MTA1: variants seen among roughly 807,000 people sequenced by gnomAD.
MTA1 encodes the protein metastasis associated 1.
MTA1 carries 15 observed loss-of-function variants against 97.0 expected under a neutral mutation model. The observed-to-expected ratio is 0.15, with a 90% CI of 0.10 to 0.24. MTA1 has a LOEUF of 0.24. MTA1 is among the 10% of genes least tolerant of loss of function. The pLI is 1.00. For synonymous variants in MTA1, 435 were observed against 417.5 expected (o/e 1.04, Z -0.51); for missense variants, 709 against 1,015.1 (o/e 0.70, Z 4.10).
At position 105,463,825 on chromosome 14, in the gene MTA1, G is replaced by A; in HGVS notation, c.1077-207G>A. 1 of 644,332 alleles carries A rather than the reference G, an allele frequency of 1.6e-6. No homozygotes were observed. The highest frequency in any genetic ancestry group is 1.8e-5 in the African/African-American group (1 of 54,440). The allele number at this position is 644,332 out of a possible 1,614,324, so 39.9% of individuals were successfully genotyped here. On this transcript the variant is annotated intron_variant, in intron 12 of 20. Transcript: ENST00000331320. This position sits in a 1 kb window ranked among gnomAD's most constrained non-coding sequence, Gnocchi z 5.9. Reference sequence around the variant, plus strand: ...TCCCTGAGCTGGGCTCCATGCTAGGGGGAGCACGGGGGCCTGGAGAACGGC... The same window carrying A: ...TCCCTGAGCTGGGCTCCATGCTAGGAGGAGCACGGGGGCCTGGAGAACGGC...
intron 1 of MTA1, among the ~76,000 whole-genome samples, chr14:105,423,097 A>G (rs1356539400): frequency 2.0e-5 from 3 of 152,048 alleles, no homozygotes; most frequent in Non-Finnish European, 4.4e-5. Context: ...AGCCGCCTGC[A>G]GCTTGCTCAT....
At chr14:105,433,320 G>A (rs1406873849) in intron 1 of MTA1, among the ~76,000 whole-genome samples, 1 of 152,194 alleles carries the variant, frequency 6.6e-6, no homozygotes, top group African/African-American at 2.4e-5. Context: ...GGTGGGCCTG[G>A]CTGAGCACCG....
intron 1 of MTA1, among the ~76,000 whole-genome samples, chr14:105,423,683 C>T (rs758328950): frequency 3.3e-5 from 5 of 152,274 alleles, no homozygotes; most frequent in Non-Finnish European, 5.9e-5. Context: ...GCACCCTGTC[C>T]GTGCTGCTGG....
chr14:105,443,009 G>A (rs782153034), intron 2 of MTA1, among the ~76,000 whole-genome samples: 15 of 152,324 alleles, frequency 9.8e-5, no homozygotes, highest in African/African-American at 2.4e-4. Context: ...GGGTGGCTGC[G>A]GTCATGTGTT....
chr14:105,424,772 A>AG lies in MTA1; in HGVS notation c.28+4711dup, dbSNP rs373037717. 3.1e-3 allele frequency among the ~76,000 whole-genome samples: 470 copies of AG among 152,366 alleles called. 2 individuals are homozygous for AG. Among genetic ancestry groups the AG allele is most frequent in the African/African-American group, 0.011 (443 of 41,586 alleles). On this transcript the variant is annotated intron_variant, in intron 1 of 20. Transcript: ENST00000331320. The surrounding 1 kb of genome is among the most constrained non-coding windows in gnomAD (Gnocchi z 4.0). ...CGGCCTCCCAAAGTGCTGGGATTAC[A>AG]GGCGTGAGCCACGGTGCCTGGCCCC...
chr14:105,464,680 C>G lies in MTA1; in HGVS notation c.1351C>G (p.His451Asp). 6.2e-7 allele frequency: 1 copy of G among 1,602,648 alleles called. No individual in the cohort carries two copies. Among genetic ancestry groups the G allele is most frequent in the Non-Finnish European group, 8.5e-7 (1 of 1,172,570 alleles). ...GTTGCGCCCCCTTCCGCAGAGTCCC[C>G]ACGGCCTCCCAGCCCGGAGCAGCGG... ...PGPNRSNMSP[H>D]GLPARSSGSP... Residue 451 changes from histidine (H) to aspartate (D), a missense_variant, in exon 15 of 21, where the codon CAC becomes GAC. His to Asp is a moderately conservative substitution (Grantham distance 81). Coordinates refer to ENST00000331320, the MANE Select transcript of MTA1 (RefSeq NM_004689.4).
Position 105,460,405 on chromosome 14 carries a change from G to A in MTA1, c.701G>A (p.Arg234Gln), listed in dbSNP as rs782330213. Residue 234 changes from arginine to glutamine, a missense_variant, in exon 9 of 21, where the codon CGA becomes CAA. Around this residue, in one of 2 missense-constraint regions of MTA1, gnomAD observed 321 missense variants for 593.5 expected, o/e 0.54. Coordinates refer to ENST00000331320, the MANE Select transcript of MTA1 (RefSeq NM_004689.4). Reference protein sequence around the residue: ...ARALDCSSSVRQPSLHMSAAA... With the variant: ...ARALDCSSSVQQPSLHMSAAA... ...GCCCTGGACTGCAGCAGCTCCGTCC[G>A]ACAGCCCAGCCTGCACATGAGCGCC... 2 of 1,611,712 alleles carry A rather than the reference G, an allele frequency of 1.2e-6. No individual in the cohort carries two copies. The highest frequency in any genetic ancestry group is 1.7e-6 in the Non-Finnish European group (2 of 1,179,444).
intron 8 of MTA1, 33 bp from the exon 9 acceptor site, chr14:105,460,325 C>T (rs782541756): frequency 1.7e-5 from 27 of 1,571,372 alleles, no homozygotes; most frequent in Middle Eastern, 1.7e-4. Context: ...CCTGCTTGGC[C>T]GACACTGTGG....
chr14:105,427,378 T>G (rs1399323040), intron 1 of MTA1, among the ~76,000 whole-genome samples: 2 of 152,142 alleles, frequency 1.3e-5, no homozygotes, highest in African/African-American at 4.8e-5. Context: ...GATTTTGCTT[T>G]TTAGATGCCC....
chr14:105,438,565 G>T (rs1555424923), intron 1 of MTA1, 107 bp from the exon 2 acceptor site: 2 of 925,254 alleles, frequency 2.2e-6, no homozygotes, highest in African/African-American at 1.6e-5. Context: ...GCAGAGGTGA[G>T]GGGATGACAC....
At chr14:105,453,799 G>A (rs1323622476) in intron 6 of MTA1, among the ~76,000 whole-genome samples, 2 of 152,192 alleles carry the variant, frequency 1.3e-5, no homozygotes, top group African/African-American at 4.8e-5. Flanking sequence ...CGACAAGAGC[G>A]AAACTCTGCC....
At chr14:105,442,391 G>A (rs1396519593) in intron 2 of MTA1, among the ~76,000 whole-genome samples, 1 of 152,218 alleles carries the variant, frequency 6.6e-6, no homozygotes, top group Non-Finnish European at 1.5e-5. Context: ...TGCGGCCCCT[G>A]GTGCAGGCAG....
chr14:105,434,226 C>G lies in MTA1; in HGVS notation c.29-4446C>G, dbSNP rs2082264405. Among the ~76,000 whole-genome samples the G allele has an allele frequency of 2.0e-5, 3 of 152,172 alleles. No homozygotes were observed. The South Asian group carries it at 6.2e-4, about 32-fold the overall frequency. ...CTGCACAGCCTGGAGTATTGACTAT[C>G]TGGACCTTTATAGGAAGCTCACCAA... On this transcript the variant is annotated intron_variant, in intron 1 of 20. Transcript: ENST00000331320.
At chr14:105,453,450 CAGTG>C (rs1435392400) in intron 6 of MTA1, among the ~76,000 whole-genome samples, 1 of 152,244 alleles carries the variant, frequency 6.6e-6, no homozygotes, top group African/African-American at 2.4e-5. Context: ...GCGGAGGCCA[CAGTG>C]AGCTGTGATT....
intron 6 of MTA1, among the ~76,000 whole-genome samples, chr14:105,451,027 G>A (rs1555428558): frequency 6.6e-6 from 1 of 152,204 alleles, no homozygotes; most frequent in Non-Finnish European, 1.5e-5. Context: ...CGCATCTCCA[G>A]GCCTAGGGCT....
In MTA1 at chr14:105,466,943, C is replaced by T. The variant is rs1292011305; in HGVS notation, c.1813+201C>T. The T allele has an allele frequency of 8.2e-6, 5 of 606,730 alleles. No individual in the cohort carries two copies. The East Asian group carries it at 8.7e-5, about 11-fold the overall frequency. The allele number at this position is 606,730 out of a possible 1,614,324, so 37.6% of individuals were successfully genotyped here. On this transcript the variant is annotated intron_variant, in intron 18 of 20. Coordinates refer to ENST00000331320, the MANE Select transcript of MTA1 (RefSeq NM_004689.4). ...GACCCCCCGAGCCCAGGCATCTGGC[C>T]CTCGGCCCCCTGGCCCCGCCTCCTG...
intron 18 of MTA1, chr14:105,468,126 G>A (rs587668842): frequency 1.3e-5 from 5 of 381,454 alleles, no homozygotes; most frequent in Admixed American, 3.1e-5. Context: ...TGGCGCACAC[G>A]AGGTGGGGTC....
At chr14:105,446,468 CTG>C (rs2082721676) in intron 3 of MTA1, among the ~76,000 whole-genome samples, 2 of 152,192 alleles carry the variant, frequency 1.3e-5, no homozygotes, top group Admixed American at 1.3e-4. Flanking sequence ...GGTCCAGGGA[CTG>C]TGGGTTTGCG....
At chr14:105,429,554 C>T (rs1298552497) in intron 1 of MTA1, among the ~76,000 whole-genome samples, 3 of 151,602 alleles carry the variant, frequency 2.0e-5, no homozygotes, top group African/African-American at 7.3e-5. Flanking sequence ...CAGGTTCACG[C>T]CATTCTCTTG....
Sources: gnomAD v4.1 joint callset for allele counts (sites outside exome capture counted in the v4.1 genomes callset) on GRCh38, gnomAD v4.1.1 for gene constraint, gnomAD v4.1.1 regional missense constraint, Gnocchi (gnomAD v3.1) non-coding constraint, MANE v1.5 for transcripts, NCBI Gene and HGNC (gene_info 2026-07-23, HGNC 2026-07-21) for gene names.